The following RASEF variants were observed in gnomAD, a reference collection of about 807,000 sequenced individuals.
RASEF encodes RAS and EF-hand domain containing, also known as ras and EF-hand domain-containing protein.
A neutral mutation model predicts 90.1 loss-of-function variants in RASEF; 68 were observed. That is an observed-to-expected ratio of 0.75 (90% CI 0.62 to 0.92). The LOEUF (loss-of-function observed/expected upper bound fraction) is 0.92. Ranked by LOEUF, RASEF falls within the 40% of genes least tolerant of loss-of-function variation. The pLI, the probability that RASEF is intolerant of heterozygous loss-of-function variation, is 0.00. For synonymous variants in RASEF, 331 were observed against 345.2 expected, an observed-to-expected ratio of 0.96 and a Z score of 0.46; for missense variants, 949 against 937.2, an observed-to-expected ratio of 1.01 and a Z score of -0.16.
chr9:83,199,417 G>A, the RASEF span, among the ~76,000 whole-genome samples: 18 of 152,070 alleles, frequency 1.2e-4, no homozygotes, highest in Non-Finnish European at 2.6e-4. Flanking sequence ...TAACTAACAC[G>A]GCCAGCCTGC....
At chr9:83,030,958 C>T (rs1278440676) in intron 1 of RASEF, among the ~76,000 whole-genome samples, 1 of 152,122 alleles carries the variant, frequency 6.6e-6, no homozygotes, top group Non-Finnish European at 1.5e-5. Flanking sequence ...TCTCCCTCAT[C>T]CTCATCACCG....
At chr9:83,153,447 G>T in the RASEF span, among the ~76,000 whole-genome samples, 1 of 152,124 alleles carries the variant, frequency 6.6e-6, no homozygotes, top group African/African-American at 2.4e-5. Flanking sequence ...AAAAATTGTC[G>T]CTGAGTTTAA....
the RASEF span, among the ~76,000 whole-genome samples, chr9:83,084,447 T>A: frequency 6.6e-6 from 1 of 152,210 alleles, no homozygotes; most frequent in African/African-American, 2.4e-5. Flanking sequence ...CCAACTCATG[T>A]CTTACATGAA....
At chr9:83,217,975 T>C in the RASEF span, among the ~76,000 whole-genome samples, 2 of 145,704 alleles carry the variant, frequency 1.4e-5, no homozygotes, top group Admixed American at 7.0e-5. Context: ...TTTTGCTCTT[T>C]ATCCATTCAT....
chr9:83,150,433 C>G, the RASEF span, among the ~76,000 whole-genome samples: 2 of 152,090 alleles, frequency 1.3e-5, no homozygotes, highest in Non-Finnish European at 2.9e-5. Flanking sequence ...GAACAAAGGA[C>G]ACTTCTATCA....
chr9:83,018,823 T>C (rs1223371704), intron 3 of RASEF, among the ~76,000 whole-genome samples: 2 of 151,936 alleles, frequency 1.3e-5, no homozygotes, highest in African/African-American at 4.8e-5. Context: ...GACAAATCAA[T>C]CAATGGAACA....
At chr9:82,983,774 G>C (rs1160283808) in intron 16 of RASEF, among the ~76,000 whole-genome samples, 1 of 152,214 alleles carries the variant, frequency 6.6e-6, no homozygotes, top group Admixed American at 6.5e-5. Flanking sequence ...GAAGTCCAGG[G>C]TTCAAGGAGT....
At chr9:83,005,600 A>C (rs1727919952) in intron 7 of RASEF, 100 bp from the exon 8 acceptor site, 1 of 860,436 alleles carries the variant, frequency 1.2e-6, no homozygotes, top group Non-Finnish European at 1.9e-6. Flanking sequence ...AGAATGTGGA[A>C]TAGCTTATCA....
chr9:83,130,460 G>C, the RASEF span, among the ~76,000 whole-genome samples: 1 of 152,218 alleles, frequency 6.6e-6, no homozygotes, highest in South Asian at 2.1e-4. Context: ...GTTCACTCTT[G>C]GTGCTGTACA....
chr9:83,058,308 G>A lies in RASEF; in HGVS notation c.431+4129C>T, dbSNP rs184319770. ...CACCATTCTCCTGCCTCAGCCTCCC[G>A]AGTAGCTGGGACTACAGGTGCCCGC... On this transcript the variant is annotated intron_variant, in intron 1 of 16. Transcript: ENST00000376447. 4.0e-3 allele frequency among the ~76,000 whole-genome samples: 556 copies of A among 138,046 alleles called. 4 individuals carry two copies. Among genetic ancestry groups the A allele is most frequent in the Admixed American group, 7.4e-3 (95 of 12,852 alleles). The allele number at this position is 138,046 out of a possible 152,430, so 90.6% of individuals were successfully genotyped here. A position where few individuals can be genotyped will look rare whatever the true frequency, so the allele number is the denominator to read the frequency against.
chr9:83,049,234 TA>T, intron 1 of RASEF: 1 of 804,324 alleles, frequency 1.2e-6, no homozygotes. Flanking sequence ...AACTTCCTTG[TA>T]CCAACAGCAT....
At chr9:83,112,584 G>A in the RASEF span, among the ~76,000 whole-genome samples, 2 of 152,114 alleles carry the variant, frequency 1.3e-5, no homozygotes, top group South Asian at 4.1e-4. Flanking sequence ...CTACTTGGGA[G>A]CCTGAGGGAG....
At chr9:83,214,921 T>G in the RASEF span, among the ~76,000 whole-genome samples, 6 of 151,936 alleles carry the variant, frequency 3.9e-5, no homozygotes, top group South Asian at 1.3e-3. Flanking sequence ...GGCATTCCTG[T>G]TTTTGCACCC....
At chr9:83,160,529 G>C in the RASEF span, among the ~76,000 whole-genome samples, 1 of 152,134 alleles carries the variant, frequency 6.6e-6, no homozygotes, top group Non-Finnish European at 1.5e-5. Context: ...ACCGATAAAG[G>C]CATTCAAGTT....
the RASEF span, among the ~76,000 whole-genome samples, chr9:83,202,474 G>T: frequency 6.6e-6 from 1 of 152,066 alleles, no homozygotes; most frequent in Non-Finnish European, 1.5e-5. Context: ...GGCATTAAAA[G>T]AAAGCAGTAT....
chr9:83,033,371 G>A (rs1829679788), intron 1 of RASEF, among the ~76,000 whole-genome samples: 1 of 152,214 alleles, frequency 6.6e-6, no homozygotes, highest in South Asian at 2.1e-4. Flanking sequence ...TGACAGCATA[G>A]AACAGGTGAA....
At chr9:83,102,189 G>A in the RASEF span, among the ~76,000 whole-genome samples, 9 of 152,136 alleles carry the variant, frequency 5.9e-5, no homozygotes, top group African/African-American at 1.9e-4. Flanking sequence ...AGATTCTCCT[G>A]CCTCAGCCTC....
Position 82,982,057 on chromosome 9 carries a change from TA to T in RASEF, c.*619del, listed in dbSNP as rs976824496. ...GTGAGAAAAATCAATACTCCAATATTAAAAAGCAGGAATAACCATAGTTCTA... is the reference window on the plus strand; with the variant it reads ...GTGAGAAAAATCAATACTCCAATATTAAAAGCAGGAATAACCATAGTTCTA... On this transcript the variant is annotated 3_prime_UTR_variant, in exon 17 of 17. Coordinates refer to ENST00000376447, the MANE Select transcript of RASEF (RefSeq NM_152573.4). The T allele has an allele frequency of 4.6e-5, 7 of 152,196 alleles. No individual in the cohort carries two copies. The highest frequency in any genetic ancestry group is 2.0e-4 in the Admixed American group (3 of 15,270). 9.4% of individuals were successfully genotyped at this position (152,196 alleles called of 1,614,324 possible).
intron 3 of RASEF, among the ~76,000 whole-genome samples, 179 bp from the exon 4 acceptor site, chr9:83,016,079 A>C (rs542648194): frequency 6.6e-6 from 1 of 152,304 alleles, no homozygotes; most frequent in South Asian, 2.1e-4. Context: ...ACAATTTTGG[A>C]ACTGAAACCT....
Sources: allele counts gnomAD v4.1 joint callset (sites outside exome capture counted in the v4.1 genomes callset), GRCh38; gene constraint gnomAD v4.1.1; transcripts MANE v1.5; gene names NCBI Gene and HGNC (gene_info 2026-07-23, HGNC 2026-07-21).